Variants in HERC6 observed in about 807,000 individuals in gnomAD.
The protein encoded by HERC6 is probable E3 ubiquitin-protein ligase HERC6.
HERC6 carries 101 observed loss-of-function variants against 114.5 expected under a neutral mutation model. The observed-to-expected ratio is 0.88, with a 90% CI of 0.75 to 1.04. The LOEUF is 1.04. HERC6 is among the 50% of genes least tolerant of loss of function. HERC6 has a pLI of 0.00. For synonymous variants in HERC6, 408 were observed against 436.2 expected (o/e 0.94, Z 0.81); for missense variants, 1,133 against 1,230.9 (o/e 0.92, Z 1.19).
chr4:88,386,203 T>C (rs1384103602), intron 3 of HERC6, among the ~76,000 whole-genome samples: 1 of 150,580 alleles, frequency 6.6e-6, no homozygotes, highest in Non-Finnish European at 1.5e-5. Flanking sequence ...TCTTTTCTTT[T>C]TTTTTTTTTT....
At chr4:88,408,859 C>T (rs1735944320) in intron 11 of HERC6, among the ~76,000 whole-genome samples, 1 of 152,136 alleles carries the variant, frequency 6.6e-6, no homozygotes, top group Non-Finnish European at 1.5e-5. Flanking sequence ...CATGAAGGCT[C>T]AGGCTCACAG....
intron 16 of HERC6, among the ~76,000 whole-genome samples, chr4:88,430,630 G>A (rs1199185300): frequency 6.6e-6 from 1 of 152,000 alleles, no homozygotes; most frequent in Non-Finnish European, 1.5e-5. Flanking sequence ...ACTGGTTAAT[G>A]CTGATTTCTC....
chr4:88,398,279 A>T, intron 8 of HERC6, 70 bp downstream of exon 8: 2 of 890,628 alleles, frequency 2.2e-6, no homozygotes, highest in Non-Finnish European at 3.4e-6. Flanking sequence ...TATTTGAAAT[A>T]CTGTATTATT....
chr4:88,432,506 G>A (rs1354473273), intron 17 of HERC6, among the ~76,000 whole-genome samples: 1 of 152,018 alleles, frequency 6.6e-6, no homozygotes, highest in Non-Finnish European at 1.5e-5. Context: ...GATTACTTGA[G>A]GTCAGGAATT....
rs1323291669 is a variant in HERC6, at chr4:88,442,508, T to C, written c.*48T>C. On this transcript the variant is annotated 3_prime_UTR_variant, in exon 23 of 23. Transcript: ENST00000264346. ...GGGCTTTCTCACACTTGGATCCTTC[T>C]GTTCTTCCTTACACCTAAATAATAC... 1 of 1,331,016 alleles carries C rather than the reference T, an allele frequency of 7.5e-7. No individual in the cohort carries two copies. The highest frequency in any genetic ancestry group is 1.8e-5 in the Admixed American group (1 of 55,324). 82.5% of individuals were successfully genotyped at this position (1,331,016 alleles called of 1,614,324 possible).
At chr4:88,420,228 C>G (rs983084017) in intron 13 of HERC6, among the ~76,000 whole-genome samples, 1 of 152,134 alleles carries the variant, frequency 6.6e-6, no homozygotes, top group Admixed American at 6.5e-5. Flanking sequence ...GTTAATCTAT[C>G]CTTGTACCTG....
At position 88,424,598 on chromosome 4, in the gene HERC6, C is replaced by T. The variant is rs770444149; in HGVS notation, c.1831C>T (p.Pro611Ser). ...RQLFRDNHLI[P>S]AETPSPVIFS... ...ATTATCTCTGTTTATTTTTTAGATA[C>T]CTGCAGAAACCCCCAGTCCTGTTAT... Residue 611 changes from proline (P) to serine (S), a missense_variant, in exon 15 of 23, where the codon CCT (proline) becomes TCT (serine). Coordinates refer to ENST00000264346, the MANE Select transcript of HERC6 (RefSeq NM_017912.4). 2 of 1,592,716 alleles carry T rather than the reference C, an allele frequency of 1.3e-6. No homozygotes were observed. Among genetic ancestry groups the T allele is most frequent in the Non-Finnish European group, 8.6e-7 (1 of 1,165,722 alleles).
chr4:88,388,670 A>G (rs1033976857), intron 3 of HERC6, among the ~76,000 whole-genome samples: 5 of 152,174 alleles, frequency 3.3e-5, no homozygotes, highest in Non-Finnish European at 7.3e-5. Context: ...AGAAGCTTAT[A>G]TACCATCTTG....
In HERC6 at chr4:88,398,228, G is replaced by T; in HGVS notation, c.1092+19G>T. 1 of 1,488,484 alleles carries T rather than the reference G, an allele frequency of 6.7e-7. No homozygotes were observed. The highest frequency in any genetic ancestry group is 1.3e-5 in the South Asian group (1 of 75,894). 92.2% of individuals were successfully genotyped at this position (1,488,484 alleles called of 1,614,324 possible). ...TCATCAGGTATCTATTATACTTTTT[G>T]TTCCTCTTAAAAATTATTTTTTCTC... is the stretch of plus-strand genomic sequence containing the variant. On this transcript the variant is annotated intron_variant, in intron 8 of 22. Transcript: ENST00000264346.
In HERC6 at chr4:88,442,597, G is replaced by C. The variant is rs1010692814; in HGVS notation, c.*137G>C. On this transcript the variant is annotated 3_prime_UTR_variant, in exon 23 of 23. Transcript: ENST00000264346. ...GAGATTGGGGGAATGGGGAGATGATGATGATGGTCAAAGGGTGCAAAATCT... is the reference window on the plus strand; with the variant it reads ...GAGATTGGGGGAATGGGGAGATGATCATGATGGTCAAAGGGTGCAAAATCT... The C allele has an allele frequency of 1.7e-5, 12 of 724,676 alleles. No individual in the cohort carries two copies. In the Admixed American group the frequency reaches 1.7e-4, roughly 10 times the overall value. 44.9% of individuals were successfully genotyped at this position (724,676 alleles called of 1,614,324 possible).
At chr4:88,431,401 T>C in intron 17 of HERC6, 96 bp downstream of exon 17, 1 of 1,357,104 alleles carries the variant, frequency 7.4e-7, no homozygotes, top group Non-Finnish European at 1.0e-6. Context: ...AATTAGGTCA[T>C]ATAGAGCTTT....
Position 88,390,683 on chromosome 4 carries a change from C to T in HERC6, c.468C>T (p.Ser156=). The change falls in exon 4 of 23, where the codon AGC becomes AGT. Residue 156 remains serine (S), a synonymous_variant. Transcript: ENST00000264346. ...AAGTGTTTTCGTGGGGAAAGAACAG[C>T]CATGGGCAGCTGGGCTTGGGGAAGG... ...DSQVFSWGKN[S]HGQLGLGKEF... is the part of the protein sequence containing the mutation. 1 of 1,612,532 alleles carries T rather than the reference C, an allele frequency of 6.2e-7. No individual in the cohort carries two copies. Among genetic ancestry groups the T allele is most frequent in the Non-Finnish European group, 8.5e-7 (1 of 1,178,840 alleles).
chr4:88,402,446 T>C (rs1735596397), intron 8 of HERC6, among the ~76,000 whole-genome samples: 1 of 152,210 alleles, frequency 6.6e-6, no homozygotes, highest in Non-Finnish European at 1.5e-5. Flanking sequence ...ACAGGACAGC[T>C]GCTCACAACA....
chr4:88,427,523 T>C (rs1032455246), intron 15 of HERC6, among the ~76,000 whole-genome samples: 10 of 151,940 alleles, frequency 6.6e-5, no homozygotes, highest in Admixed American at 1.3e-4. Context: ...TCCTTTTCCC[T>C]ACAAATCTGG....
At chr4:88,413,020 C>A in intron 11 of HERC6, 57 bp from the exon 12 acceptor site, 1 of 1,279,326 alleles carries the variant, frequency 7.8e-7, no homozygotes, top group Non-Finnish European at 1.1e-6. Context: ...TTGCTTCTCA[C>A]AATCCTCTGT....
At chr4:88,403,431 G>C (rs2148890468) in intron 8 of HERC6, among the ~76,000 whole-genome samples, 1 of 152,276 alleles carries the variant, frequency 6.6e-6, no homozygotes, top group East Asian at 1.9e-4. Context: ...TAATCCCAAA[G>C]CTTTTTATAC....
chr4:88,392,704 A>T (rs551978326), intron 4 of HERC6, among the ~76,000 whole-genome samples: 1 of 152,302 alleles, frequency 6.6e-6, no homozygotes, highest in South Asian at 2.1e-4. Flanking sequence ...ACAACCTTGC[A>T]GTTAAGGCCA....
intron 15 of HERC6, among the ~76,000 whole-genome samples, chr4:88,428,356 G>C (rs1036661417): frequency 5.9e-5 from 9 of 152,142 alleles, no homozygotes; most frequent in African/African-American, 2.2e-4. Context: ...CTAATCTCCT[G>C]TACACAATTC....
chr4:88,400,836 A>G (rs1225336436), intron 8 of HERC6, among the ~76,000 whole-genome samples: 1 of 152,116 alleles, frequency 6.6e-6, no homozygotes, highest in African/African-American at 2.4e-5. Context: ...AAACTTGATC[A>G]TATGTATGGA....
Sources: gnomAD v4.1 joint callset for allele counts (sites outside exome capture counted in the v4.1 genomes callset) on GRCh38, gnomAD v4.1.1 for gene constraint, MANE v1.5 for transcripts, NCBI Gene and HGNC (gene_info 2026-07-23, HGNC 2026-07-21) for gene names.